Variants in CTDSPL2 observed in about 807,000 individuals in gnomAD.
CTDSPL2 encodes CTD small phosphatase like 2.
CTDSPL2 carries 5 observed loss-of-function variants against 60.0 expected under a neutral mutation model. The ratio of observed to expected loss-of-function variants is 0.08; its 90% CI spans 0.04 to 0.18. The LOEUF is 0.18. CTDSPL2 is among the 10% of genes least tolerant of loss of function. CTDSPL2 has a pLI of 1.00. For missense variants in CTDSPL2, 370 were observed against 548.8 expected, an observed-to-expected ratio of 0.67 and a Z score of 3.26; for synonymous variants, 186 against 189.3, an observed-to-expected ratio of 0.98 and a Z score of 0.14.
At chr15:44,462,284 G>A (rs532240751) in intron 2 of CTDSPL2, among the ~76,000 whole-genome samples, 1 of 152,222 alleles carries the variant, frequency 6.6e-6, no homozygotes, top group East Asian at 1.9e-4. Flanking sequence ...TCCTTCTTTA[G>A]TAGCTTAATC....
chr15:44,444,409 A>C (rs1330738841), intron 1 of CTDSPL2, among the ~76,000 whole-genome samples: 1 of 150,726 alleles, frequency 6.6e-6, no homozygotes, highest in Non-Finnish European at 1.5e-5. Context: ...CAGTGGTGCA[A>C]TCTCAGCTCA....
intron 1 of CTDSPL2, among the ~76,000 whole-genome samples, chr15:44,428,391 C>A (rs1219183824): frequency 6.6e-6 from 1 of 152,172 alleles, no homozygotes; most frequent in Non-Finnish European, 1.5e-5. Flanking sequence ...CCTTATTATC[C>A]TTAATATTCT....
rs1241978157 is a variant in CTDSPL2, at chr15:44,527,669, C to A, written c.*3495C>A. The stretch of plus-strand genomic sequence containing the variant: ...GTCTTCCTAGGTATTTATTTGTTAT[C>A]TTTTAATCTTGTGTATCTAAATTAA... On this transcript the variant is annotated 3_prime_UTR_variant, in exon 13 of 13. Coordinates refer to ENST00000260327, the MANE Select transcript of CTDSPL2 (RefSeq NM_016396.3). The A allele has an allele frequency of 6.6e-6, 1 of 152,146 alleles. No individual in the cohort carries two copies. The highest frequency in any genetic ancestry group is 2.4e-5 in the African/African-American group (1 of 41,442). 9.4% of individuals were successfully genotyped at this position (152,146 alleles called of 1,614,324 possible).
intron 1 of CTDSPL2, among the ~76,000 whole-genome samples, chr15:44,444,851 T>G (rs889524595): frequency 1.5e-5 from 2 of 131,398 alleles, no homozygotes; most frequent in African/African-American, 2.9e-5. Flanking sequence ...TTTTTTTTTT[T>G]TTTTTTTTTT....
chr15:44,452,134 A>G (rs2080345245), intron 1 of CTDSPL2, among the ~76,000 whole-genome samples: 1 of 152,222 alleles, frequency 6.6e-6, no homozygotes, highest in African/African-American at 2.4e-5. Context: ...TGAAATATTG[A>G]AATATTACAT....
intron 6 of CTDSPL2, 146 bp downstream of exon 6, chr15:44,496,604 C>T (rs1191366532): frequency 6.3e-6 from 4 of 636,148 alleles, no homozygotes; most frequent in Non-Finnish European, 8.2e-6. Context: ...GGTGCAGTGG[C>T]TCATCCCAGC....
intron 8 of CTDSPL2, among the ~76,000 whole-genome samples, chr15:44,505,377 C>T (rs10467910): frequency 0.029 from 4,423 of 151,812 alleles, 231 homozygotes; most frequent in African/African-American, 0.1. Context: ...GAGCTGTGAT[C>T]ACGCCACTGC....
intron 1 of CTDSPL2, chr15:44,449,285 A>C (rs1265630419): frequency 1.4e-5 from 3 of 212,068 alleles, no homozygotes; most frequent in Non-Finnish European, 3.0e-5. Context: ...CTAGCACCTG[A>C]ATAGCTTTTT....
Position 44,477,913 on chromosome 15 carries a change from G to A in CTDSPL2, c.187-6311G>A, listed in dbSNP as rs561378152. On this transcript the variant is annotated intron_variant, in intron 2 of 12. Coordinates refer to ENST00000260327, the MANE Select transcript of CTDSPL2 (RefSeq NM_016396.3). ...TTTTCCATTATGTTATTCACCCAAC[G>A]CATTTAGGATTTTATCTGGTACTAT... Among the ~76,000 whole-genome samples, 34 of 151,898 alleles carry A rather than the reference G, an allele frequency of 2.2e-4. No individual in the cohort carries two copies. In the South Asian group the frequency reaches 6.2e-3, roughly 28 times the overall value.
intron 2 of CTDSPL2, among the ~76,000 whole-genome samples, chr15:44,469,681 A>T (rs2080765621): frequency 6.6e-6 from 1 of 152,146 alleles, no homozygotes; most frequent in South Asian, 2.1e-4. Context: ...AATATATGTG[A>T]TATTTCGGAG....
chr15:44,439,121 A>ATATTATTATTAT (rs151096962), intron 1 of CTDSPL2, among the ~76,000 whole-genome samples: 16 of 149,022 alleles, frequency 1.1e-4, no homozygotes, highest in African/African-American at 3.8e-4. Context: ...CCCAAGCTTT[A>ATATTATTATTAT]TATTATTATT....
chr15:44,488,769 A>T (rs184878663), intron 4 of CTDSPL2, among the ~76,000 whole-genome samples: 29 of 152,292 alleles, frequency 1.9e-4, no homozygotes, highest in Admixed American at 5.2e-4. Flanking sequence ...CAGTGAGCTG[A>T]GATCGCACCA....
intron 1 of CTDSPL2, among the ~76,000 whole-genome samples, chr15:44,428,713 G>A (rs567075042): frequency 6.6e-6 from 1 of 152,190 alleles, no homozygotes; most frequent in Non-Finnish European, 1.5e-5. Context: ...ATACAAATTA[G>A]TGACTTGAAA....
intron 1 of CTDSPL2, among the ~76,000 whole-genome samples, chr15:44,456,674 A>G (rs1339910804): frequency 6.6e-6 from 1 of 151,542 alleles, no homozygotes; most frequent in Admixed American, 6.6e-5. Context: ...AATTTTGTTA[A>G]TCTTTTCAAA....
intron 10 of CTDSPL2, 114 bp downstream of exon 10, chr15:44,514,958 A>G (rs986951015): frequency 9.7e-5 from 59 of 610,480 alleles, no homozygotes; most frequent in Non-Finnish European, 1.3e-4. Context: ...TGAATGGTGA[A>G]TATAAATGAA....
intron 10 of CTDSPL2, among the ~76,000 whole-genome samples, chr15:44,515,929 C>CTT (rs1443044903): frequency 2.7e-5 from 4 of 150,444 alleles, no homozygotes; most frequent in Non-Finnish European, 5.9e-5. Flanking sequence ...TTCTTTCTCT[C>CTT]TCTCTTTCTT....
At chr15:44,455,816 G>A (rs1416139702) in intron 1 of CTDSPL2, among the ~76,000 whole-genome samples, 12 of 145,600 alleles carry the variant, frequency 8.2e-5, no homozygotes, top group East Asian at 6.0e-4. Context: ...TGCTGCATTC[G>A]GTTTGCCAGT....
At chr15:44,448,929 A>T (rs2080277087) in intron 1 of CTDSPL2, 1 of 415,124 alleles carries the variant, frequency 2.4e-6, no homozygotes, top group Admixed American at 3.6e-5. Context: ...GTTCAAAAGT[A>T]ACAGTGCCCA....
At chr15:44,492,618 C>T (rs1183694645) in intron 5 of CTDSPL2, among the ~76,000 whole-genome samples, 1 of 152,038 alleles carries the variant, frequency 6.6e-6, no homozygotes, top group African/African-American at 2.4e-5. Context: ...AAATATGATA[C>T]AATTATGAAA....
Sources: allele counts gnomAD v4.1 joint callset (sites outside exome capture counted in the v4.1 genomes callset), GRCh38; gene constraint gnomAD v4.1.1; transcripts MANE v1.5; gene names NCBI Gene and HGNC (gene_info 2026-07-23, HGNC 2026-07-21).